Variants in NBEA observed in about 807,000 individuals in gnomAD.
NBEA encodes lysosomal-trafficking regulator 2.
A neutral mutation model predicts 343.4 loss-of-function variants in NBEA; 44 were observed. The observed-to-expected ratio is 0.13, with a 90% CI of 0.10 to 0.16. NBEA has a LOEUF of 0.16. Among genes scored for constraint, NBEA ranks in the 10% least tolerant of loss-of-function variants. The pLI, the probability that NBEA is intolerant of heterozygous loss-of-function variation, is 1.00. For synonymous variants in NBEA, 1,175 were observed against 1,238.7 expected (o/e 0.95, Z 1.08); for missense variants, 2,555 against 3,631.3 (o/e 0.70, Z 7.62).
At chr13:35,110,314 A>G (rs1225287444) in intron 12 of NBEA, among the ~76,000 whole-genome samples, 7 of 151,532 alleles carry the variant, frequency 4.6e-5, no homozygotes, top group Admixed American at 2.0e-4. Flanking sequence ...CTATGCTCAC[A>G]TGGTCAGATT....
chr13:35,438,973 T>C (rs2045589843), intron 39 of NBEA, among the ~76,000 whole-genome samples: 1 of 152,256 alleles, frequency 6.6e-6, no homozygotes, highest in Admixed American at 6.5e-5. Context: ...AGGACTTGTG[T>C]AACTTTATTA....
intron 1 of NBEA, among the ~76,000 whole-genome samples, chr13:35,032,059 A>G (rs1024691107): frequency 6.6e-6 from 1 of 151,756 alleles, no homozygotes; most frequent in Non-Finnish European, 1.5e-5. Flanking sequence ...ATTGATGGGC[A>G]TTTAGGTTGA....
chr13:35,400,434 T>C (rs1181000580), intron 38 of NBEA, among the ~76,000 whole-genome samples: 2 of 151,950 alleles, frequency 1.3e-5, no homozygotes, highest in Non-Finnish European at 2.9e-5. Flanking sequence ...TCAGAAAAAT[T>C]ATCTTATTGA....
chr13:35,349,538 C>T (rs1375038313), intron 37 of NBEA, among the ~76,000 whole-genome samples: 3 of 152,018 alleles, frequency 2.0e-5, no homozygotes, highest in Non-Finnish European at 4.4e-5. Context: ...GAGATTTACA[C>T]ACCAATAGGT....
chr13:35,480,709 G>C (rs1285373436), intron 41 of NBEA, among the ~76,000 whole-genome samples: 1 of 151,540 alleles, frequency 6.6e-6, no homozygotes, highest in African/African-American at 2.4e-5. Context: ...TATTTCAAGT[G>C]TTTCATTCTG....
At chr13:34,953,786 G>A (rs945095803) in intron 1 of NBEA, among the ~76,000 whole-genome samples, 6 of 152,176 alleles carry the variant, frequency 3.9e-5, no homozygotes, top group South Asian at 4.1e-4. Flanking sequence ...CCTGGGCCAC[G>A]GACCTGTTAG....
intron 34 of NBEA, among the ~76,000 whole-genome samples, chr13:35,243,502 G>A (rs1485986536): frequency 6.6e-6 from 1 of 151,866 alleles, no homozygotes; most frequent in East Asian, 1.9e-4. Flanking sequence ...AACCAACTAT[G>A]TGCTGTCTTT....
chr13:35,269,546 T>C (rs1192970108), intron 34 of NBEA, among the ~76,000 whole-genome samples: 2 of 152,320 alleles, frequency 1.3e-5, no homozygotes, highest in East Asian at 3.9e-4. Flanking sequence ...GACCACATGA[T>C]GTCATCGTTA....
intron 40 of NBEA, 48 bp downstream of exon 40, chr13:35,452,283 G>T: frequency 7.1e-7 from 1 of 1,411,480 alleles, no homozygotes; most frequent in Non-Finnish European, 9.7e-7. Context: ...TAAACACAAA[G>T]CTACTGAATT....
At chr13:35,221,056 T>G (rs1288553575) in intron 33 of NBEA, among the ~76,000 whole-genome samples, 1 of 152,140 alleles carries the variant, frequency 6.6e-6, no homozygotes, top group Non-Finnish European at 1.5e-5. Flanking sequence ...GGTTTAATAT[T>G]ATCTTCCAGC....
At chr13:35,550,364 TGACA>T (rs1277085794) in intron 41 of NBEA, 109 bp from the exon 42 acceptor site, 8 of 612,682 alleles carry the variant, frequency 1.3e-5, no homozygotes, top group African/African-American at 7.5e-5. Context: ...GACAATGTTG[TGACA>T]GACAGTGAAT....
At chr13:35,432,084 C>T (rs925851195) in intron 38 of NBEA, among the ~76,000 whole-genome samples, 185 bp from the exon 39 acceptor site, 1 of 150,898 alleles carries the variant, frequency 6.6e-6, no homozygotes, top group Non-Finnish European at 1.5e-5. Flanking sequence ...GTCTTTTTCA[C>T]TTGTAGAGGA....
chr13:35,651,388 A>T (rs778615869), intron 52 of NBEA, among the ~76,000 whole-genome samples: 5 of 151,648 alleles, frequency 3.3e-5, no homozygotes, highest in Admixed American at 6.6e-5. Context: ...GCTTGGAAGC[A>T]TAGCCCTTTC....
intron 38 of NBEA, among the ~76,000 whole-genome samples, chr13:35,428,607 C>A (rs1227196790): frequency 6.6e-6 from 1 of 152,040 alleles, no homozygotes; most frequent in South Asian, 2.1e-4. Flanking sequence ...GTTTCTATTT[C>A]TTTGCTAAGT....
At chr13:35,242,895 GAA>G (rs1043997011) in intron 34 of NBEA, among the ~76,000 whole-genome samples, 1 of 151,752 alleles carries the variant, frequency 6.6e-6, no homozygotes, top group Non-Finnish European at 1.5e-5. Flanking sequence ...TAACCTACGA[GAA>G]ATGCTAAAGG....
intron 34 of NBEA, among the ~76,000 whole-genome samples, chr13:35,254,674 C>A (rs1169373627): frequency 6.6e-6 from 1 of 151,730 alleles, no homozygotes; most frequent in East Asian, 1.9e-4. Flanking sequence ...TAATTTTGTT[C>A]CTATTTTAAA....
chr13:35,353,916 G>A (rs1053344852), intron 38 of NBEA, among the ~76,000 whole-genome samples: 15 of 152,274 alleles, frequency 9.9e-5, no homozygotes, highest in African/African-American at 3.1e-4. Context: ...TGGTAAGTCT[G>A]AAATCTGTAG....
intron 38 of NBEA, among the ~76,000 whole-genome samples, chr13:35,365,356 G>A (rs1372983314): frequency 6.6e-6 from 1 of 151,502 alleles, no homozygotes; most frequent in Non-Finnish European, 1.5e-5. Context: ...ATTAGTTTTT[G>A]GATTCCCTAC....
At chr13:35,368,429 C>A (rs190051889) in intron 38 of NBEA, among the ~76,000 whole-genome samples, 1 of 151,482 alleles carries the variant, frequency 6.6e-6, no homozygotes, top group East Asian at 1.9e-4. Flanking sequence ...GAATAAAATA[C>A]CTGTCAGATT....
Sources: gnomAD v4.1 joint callset for allele counts (sites outside exome capture counted in the v4.1 genomes callset) on GRCh38, gnomAD v4.1.1 for gene constraint, MANE v1.5 for transcripts, NCBI Gene and HGNC (gene_info 2026-07-23, HGNC 2026-07-21) for gene names.